Variants in SNX29 observed in about 807,000 individuals in gnomAD.
The protein encoded by SNX29 is sorting nexin-29.
SNX29 carries 78 observed loss-of-function variants against 102.1 expected under a neutral mutation model. The observed-to-expected ratio is 0.76, with a 90% CI of 0.64 to 0.92. The LOEUF (loss-of-function observed/expected upper bound fraction) is 0.92. Among genes scored for constraint, SNX29 ranks in the 40% least tolerant of loss-of-function variants. SNX29 has a pLI of 0.00. For missense variants in SNX29, 1,280 were observed against 1,061.7 expected (o/e 1.21, Z -2.86); for synonymous variants, 580 against 414.5 (o/e 1.40, Z -4.85).
intron 14 of SNX29, among the ~76,000 whole-genome samples, chr16:12,221,343 G>T (rs2077472032): frequency 6.6e-6 from 1 of 152,168 alleles, no homozygotes; most frequent in Non-Finnish European, 1.5e-5. Context: ...GACCAGGTGT[G>T]GTGGCTCAGC....
chr16:12,138,277 G>A (rs930884802), intron 13 of SNX29, among the ~76,000 whole-genome samples: 2 of 147,230 alleles, frequency 1.4e-5, no homozygotes, highest in South Asian at 2.1e-4. Flanking sequence ...GTGCGATCTC[G>A]GCTCACTGCA....
At chr16:11,988,589 G>A (rs1258539070) in intron 1 of SNX29, among the ~76,000 whole-genome samples, 2 of 152,076 alleles carry the variant, frequency 1.3e-5, no homozygotes, top group East Asian at 3.9e-4. Flanking sequence ...TTGTAGGGAC[G>A]GGGTGTCACT....
chr16:12,014,293 C>G (rs1293810719), intron 3 of SNX29, among the ~76,000 whole-genome samples: 1 of 152,090 alleles, frequency 6.6e-6, no homozygotes, highest in African/African-American at 2.4e-5. Context: ...GCTCCTGCAG[C>G]AGATTCCTTC....
In SNX29 at chr16:12,558,943, C is replaced by T. The variant is rs542737709; in HGVS notation, c.2319-9563C>T. Among the ~76,000 whole-genome samples the T allele has an allele frequency of 9.8e-5, 15 of 152,308 alleles. No individual in the cohort carries two copies. The South Asian group carries it at 1.4e-3, about 15-fold the overall frequency. ...TTTAATCTCATAGGTGGGTTGATAT[C>T]GGCCCCATGTTTCAGGTAACAGAGG... is the stretch of plus-strand genomic sequence containing the variant. On this transcript the variant is annotated intron_variant, in intron 20 of 20. Transcript: ENST00000566228.
intron 15 of SNX29, among the ~76,000 whole-genome samples, chr16:12,315,979 TC>T (rs1200775138): frequency 6.6e-6 from 1 of 152,192 alleles, no homozygotes; most frequent in African/African-American, 2.4e-5. Context: ...AGATAGACAC[TC>T]AACAGATACA....
intron 20 of SNX29, among the ~76,000 whole-genome samples, chr16:12,562,443 T>G (rs1050561612): frequency 6.6e-6 from 1 of 152,184 alleles, no homozygotes; most frequent in African/African-American, 2.4e-5. Flanking sequence ...AGCTTGCTAG[T>G]TTGACTTTGA....
At chr16:12,545,842 C>G (rs191839325) in intron 20 of SNX29, among the ~76,000 whole-genome samples, 1 of 151,980 alleles carries the variant, frequency 6.6e-6, no homozygotes, top group Non-Finnish European at 1.5e-5. Flanking sequence ...GGGAGGGGAG[C>G]AGATCACCTC....
chr16:12,131,653 T>C (rs548877935), intron 13 of SNX29, among the ~76,000 whole-genome samples: 1 of 152,320 alleles, frequency 6.6e-6, no homozygotes, highest in Admixed American at 6.5e-5. Flanking sequence ...ATAAGCAGTT[T>C]ATTGCTTGTT....
chr16:12,341,566 G>A (rs964439418), intron 15 of SNX29, among the ~76,000 whole-genome samples: 2 of 152,256 alleles, frequency 1.3e-5, no homozygotes, highest in African/African-American at 4.8e-5. Flanking sequence ...AACATGGGTT[G>A]CCCAAGGGCA....
chr16:12,067,936 C>T (rs2051110678), intron 9 of SNX29, among the ~76,000 whole-genome samples: 1 of 152,200 alleles, frequency 6.6e-6, no homozygotes, highest in African/African-American at 2.4e-5. Flanking sequence ...CCGTTAGTTC[C>T]AGAGACTACT....
intron 18 of SNX29, among the ~76,000 whole-genome samples, chr16:12,446,047 C>CTTTTTT (rs60889973): frequency 1.0e-5 from 1 of 98,592 alleles, no homozygotes; most frequent in Non-Finnish European, 1.9e-5. Flanking sequence ...GCTTCTCATT[C>CTTTTTT]TTTTTTTTTT....
chr16:12,564,874 ACT>A (rs746362455), intron 20 of SNX29, among the ~76,000 whole-genome samples: 4 of 146,242 alleles, frequency 2.7e-5, no homozygotes, highest in Non-Finnish European at 4.5e-5. Flanking sequence ...TGAGAATTTC[ACT>A]CTGAGGATCC....
intron 18 of SNX29, among the ~76,000 whole-genome samples, chr16:12,435,050 C>T (rs959014540): frequency 2.6e-5 from 4 of 151,750 alleles, no homozygotes; most frequent in East Asian, 1.9e-4. Context: ...AGGAGCTTGA[C>T]CTTGGGCCAG....
At chr16:12,241,894 C>T in intron 14 of SNX29, among the ~76,000 whole-genome samples, 1 of 152,090 alleles carries the variant, frequency 6.6e-6, no homozygotes, top group East Asian at 1.9e-4. Context: ...CTTTCTAGTT[C>T]ATGTTCAGTG....
At chr16:12,158,499 C>T (rs964494900) in intron 13 of SNX29, among the ~76,000 whole-genome samples, 4 of 152,186 alleles carry the variant, frequency 2.6e-5, no homozygotes, top group South Asian at 2.1e-4. Context: ...TGCACCCAGC[C>T]GGTTTTAATT....
At chr16:12,139,166 C>T (rs1191753408) in intron 13 of SNX29, among the ~76,000 whole-genome samples, 3 of 129,804 alleles carry the variant, frequency 2.3e-5, no homozygotes, top group African/African-American at 9.1e-5. Context: ...CACTGTACTC[C>T]AGAGCCTGGG....
chr16:12,224,164 G>A (rs977553091), intron 14 of SNX29, among the ~76,000 whole-genome samples: 2 of 152,142 alleles, frequency 1.3e-5, no homozygotes, highest in African/African-American at 4.8e-5. Flanking sequence ...TACTTGAGTA[G>A]TAGGTTATTG....
chr16:12,109,267 G>C (rs1157867401), intron 11 of SNX29, among the ~76,000 whole-genome samples: 1 of 152,010 alleles, frequency 6.6e-6, no homozygotes, highest in Non-Finnish European at 1.5e-5. Context: ...TCCTGAACTG[G>C]CATAGAGCAG....
intron 18 of SNX29, among the ~76,000 whole-genome samples, chr16:12,419,387 C>T (rs2084778112): frequency 6.6e-6 from 1 of 152,114 alleles, no homozygotes; most frequent in Admixed American, 6.5e-5. Flanking sequence ...GACAGCTGAC[C>T]ACCTCATTCT....
Sources: allele counts gnomAD v4.1 joint callset (sites outside exome capture counted in the v4.1 genomes callset), GRCh38; gene constraint gnomAD v4.1.1; transcripts MANE v1.5; gene names NCBI Gene and HGNC (gene_info 2026-07-23, HGNC 2026-07-21).